Variants in CTNNA3 observed in about 807,000 individuals in gnomAD.
CTNNA3 encodes catenin alpha 3.
A neutral mutation model predicts 95.7 loss-of-function variants in CTNNA3; 76 were observed. The observed-to-expected ratio is 0.79, with a 90% CI of 0.66 to 0.96. The LOEUF (loss-of-function observed/expected upper bound fraction) is 0.96, where lower values mean the gene tolerates loss of function less well. Ranked by LOEUF, CTNNA3 falls within the 40% of genes least tolerant of loss-of-function variation. The probability of loss-of-function intolerance (pLI) is 0.00; values close to 1 mark genes in which losing one functional copy is unlikely to be tolerated. For synonymous variants in CTNNA3, 431 were observed against 374.4 expected, an observed-to-expected ratio of 1.15 and a Z score of -1.74; for missense variants, 1,191 against 1,089.8, an observed-to-expected ratio of 1.09 and a Z score of -1.31.
intron 5 of CTNNA3, among the ~76,000 whole-genome samples, chr10:67,251,531 C>T (rs868342496): frequency 3.3e-5 from 5 of 152,114 alleles, no homozygotes; most frequent in South Asian, 2.1e-4. Flanking sequence ...CATACCCATA[C>T]ATATGTCATC....
chr10:66,002,655 A>G (rs893689496), intron 15 of CTNNA3, among the ~76,000 whole-genome samples: 1 of 151,996 alleles, frequency 6.6e-6, no homozygotes, highest in African/African-American at 2.4e-5. Flanking sequence ...TCGATCTACA[A>G]GATATCCTGT....
At chr10:65,934,369 G>T (rs193096220) in intron 17 of CTNNA3, among the ~76,000 whole-genome samples, 72 of 152,176 alleles carry the variant, frequency 4.7e-4, no homozygotes, top group African/African-American at 1.6e-3. Flanking sequence ...TCAAAAATAT[G>T]CAGACTCTCC....
At chr10:67,734,366 G>A (rs1273202430) in intron 1 of CTNNA3, among the ~76,000 whole-genome samples, 2 of 152,044 alleles carry the variant, frequency 1.3e-5, no homozygotes, top group African/African-American at 4.8e-5. Context: ...GAGAATTCAA[G>A]TCAAATATAT....
chr10:67,141,956 A>G (rs1208335483), intron 7 of CTNNA3, among the ~76,000 whole-genome samples: 1 of 152,188 alleles, frequency 6.6e-6, no homozygotes, highest in East Asian at 1.9e-4. Context: ...CTGGTATAAA[A>G]TATACCAAAA....
intron 8 of CTNNA3, among the ~76,000 whole-genome samples, chr10:66,774,289 G>A (rs1195458678): frequency 1.3e-5 from 2 of 152,136 alleles, no homozygotes; most frequent in African/African-American, 4.8e-5. Context: ...TTCCACGAAA[G>A]GGGAGGATCG....
chr10:67,087,509 C>A (rs1029915120), intron 7 of CTNNA3, among the ~76,000 whole-genome samples: 1 of 151,542 alleles, frequency 6.6e-6, no homozygotes, highest in African/African-American at 2.4e-5. Flanking sequence ...TTCATACCTT[C>A]TCTAATATAA....
At chr10:66,165,334 G>A (rs1160481105) in intron 13 of CTNNA3, among the ~76,000 whole-genome samples, 1 of 152,086 alleles carries the variant, frequency 6.6e-6, no homozygotes, top group African/African-American at 2.4e-5. Context: ...GGGGAACAAG[G>A]AATGAAAAAC....
chr10:67,159,391 A>G (rs907859966), intron 7 of CTNNA3, among the ~76,000 whole-genome samples: 5 of 152,202 alleles, frequency 3.3e-5, no homozygotes, highest in East Asian at 1.9e-4. Context: ...TCGTCCTGCT[A>G]CAAAGGAATC....
chr10:66,367,527 T>C (rs1407988157), intron 12 of CTNNA3, among the ~76,000 whole-genome samples: 3 of 149,758 alleles, frequency 2.0e-5, no homozygotes, highest in Non-Finnish European at 4.4e-5. Flanking sequence ...TGCACATATG[T>C]ACATATCTTT....
chr10:66,193,648 A>G (rs562731120), intron 13 of CTNNA3, among the ~76,000 whole-genome samples: 32 of 152,344 alleles, frequency 2.1e-4, no homozygotes, highest in African/African-American at 7.2e-4. Flanking sequence ...TGAACCTTAT[A>G]GAGGCTTCCC....
At chr10:67,630,064 A>G (rs1036831035) in intron 2 of CTNNA3, among the ~76,000 whole-genome samples, 1 of 152,164 alleles carries the variant, frequency 6.6e-6, no homozygotes, top group Admixed American at 6.5e-5. Context: ...GTTCTTGCCA[A>G]CCTATAACTG....
At chr10:66,151,727 CTAA>C (rs1245181623) in intron 13 of CTNNA3, among the ~76,000 whole-genome samples, 1 of 151,938 alleles carries the variant, frequency 6.6e-6, no homozygotes, top group Non-Finnish European at 1.5e-5. Context: ...ATGCACCTTC[CTAA>C]TAACTTTAAA....
At chr10:67,425,084 A>T (rs1182694158) in intron 5 of CTNNA3, among the ~76,000 whole-genome samples, 1 of 152,160 alleles carries the variant, frequency 6.6e-6, no homozygotes, top group Non-Finnish European at 1.5e-5. Context: ...ATTGAAATAA[A>T]TTACATGTAA....
chr10:65,969,579 T>A (rs921909831), intron 16 of CTNNA3, among the ~76,000 whole-genome samples: 6 of 152,166 alleles, frequency 3.9e-5, no homozygotes, highest in South Asian at 2.1e-4. Flanking sequence ...CTTTAAAATA[T>A]CAATCAGAGA....
intron 7 of CTNNA3, among the ~76,000 whole-genome samples, chr10:67,063,941 C>T (rs900440915): frequency 1.3e-5 from 2 of 152,170 alleles, no homozygotes; most frequent in African/African-American, 4.8e-5. Flanking sequence ...CTTCTGCACA[C>T]ACACTCGTCA....
intron 7 of CTNNA3, among the ~76,000 whole-genome samples, chr10:66,854,001 T>A (rs758375373): frequency 2.0e-5 from 3 of 152,094 alleles, no homozygotes; most frequent in Non-Finnish European, 4.4e-5. Context: ...GATTATGCTA[T>A]CATCCCACAC....
intron 13 of CTNNA3, among the ~76,000 whole-genome samples, chr10:66,132,690 C>T (rs1161617662): frequency 6.6e-6 from 1 of 152,128 alleles, no homozygotes; most frequent in East Asian, 1.9e-4. Flanking sequence ...AAATGCAGTA[C>T]ATATACACCA....
At chr10:66,861,393 T>G (rs907867804) in intron 7 of CTNNA3, among the ~76,000 whole-genome samples, 9 of 152,104 alleles carry the variant, frequency 5.9e-5, no homozygotes, top group African/African-American at 2.2e-4. Flanking sequence ...GCACATTCGG[T>G]TCACTGACAT....
At chr10:67,061,561 A>T (rs528425291) in intron 7 of CTNNA3, among the ~76,000 whole-genome samples, 11 of 152,286 alleles carry the variant, frequency 7.2e-5, no homozygotes, top group Admixed American at 4.6e-4. Context: ...CATATCAAAA[A>T]ATGAATATAA....
Sources: gnomAD v4.1 joint callset for allele counts (sites outside exome capture counted in the v4.1 genomes callset) on GRCh38, gnomAD v4.1.1 for gene constraint, MANE v1.5 for transcripts, NCBI Gene and HGNC (gene_info 2026-07-23, HGNC 2026-07-21) for gene names.